The following TEF variants were observed in gnomAD, a reference collection of about 807,000 sequenced individuals.
TEF encodes TEF transcription factor, PAR bZIP family member, also known as thyrotroph embryonic factor.
Under a neutral mutation model 20.8 loss-of-function variants are expected in TEF, and 3 were observed. The ratio of observed to expected loss-of-function variants is 0.14; its 90% CI spans 0.07 to 0.37. The LOEUF (loss-of-function observed/expected upper bound fraction) is 0.37, where lower values mean the gene tolerates loss of function less well. Ranked by LOEUF, TEF falls within the 10% of genes least tolerant of loss-of-function variation. The probability of loss-of-function intolerance (pLI) is 1.00; values close to 1 mark genes in which losing one functional copy is unlikely to be tolerated. For missense variants in TEF, 296 were observed against 397.9 expected, an observed-to-expected ratio of 0.74 and a Z score of 2.18; for synonymous variants, 180 against 171.1, an observed-to-expected ratio of 1.05 and a Z score of -0.41.
At chr22:41,385,693 T>A (rs2037089927) in intron 1 of TEF, among the ~76,000 whole-genome samples, 1 of 151,892 alleles carries the variant, frequency 6.6e-6, no homozygotes, top group Admixed American at 6.6e-5. Context: ...TTTGTTTTTG[T>A]TTTTTTGTGA....
upstream of TEF, among the ~76,000 whole-genome samples, chr22:41,377,856 T>A (rs1321873980): frequency 6.6e-6 from 1 of 152,140 alleles, no homozygotes; most frequent in Non-Finnish European, 1.5e-5. Context: ...CTCACCAGCG[T>A]CACTTGCCTG....
intron 1 of TEF, among the ~76,000 whole-genome samples, chr22:41,375,577 C>T (rs1240285367): frequency 3.3e-5 from 5 of 152,018 alleles, no homozygotes; most frequent in Non-Finnish European, 7.4e-5. Context: ...AGTGAAACCC[C>T]GTCTCTACTA....
intron 1 of TEF, among the ~76,000 whole-genome samples, chr22:41,384,061 T>A (rs776296890): frequency 4.6e-5 from 7 of 152,232 alleles, no homozygotes; most frequent in Non-Finnish European, 8.8e-5. Flanking sequence ...TGTCAAAACC[T>A]CCACCTTCTT....
intron 1 of TEF, among the ~76,000 whole-genome samples, chr22:41,372,251 T>C (rs550483351): frequency 3.9e-5 from 6 of 152,162 alleles, no homozygotes; most frequent in South Asian, 4.2e-4. Context: ...CCCAGAGCCT[T>C]CTTCTCTACC....
chr22:41,385,127 G>T (rs2037082045), intron 1 of TEF, among the ~76,000 whole-genome samples: 1 of 152,128 alleles, frequency 6.6e-6, no homozygotes, highest in Non-Finnish European at 1.5e-5. Context: ...ACTTTGGGAG[G>T]CCAAGGTGGA....
rs191996391 is a variant in TEF at position 41,385,474 on chromosome 22, C to T, written c.158-1877C>T. 1.9e-3 allele frequency among the ~76,000 whole-genome samples: 292 copies of T among 152,272 alleles called. 1 individual carries two copies. Among genetic ancestry groups the T allele is most frequent in the Non-Finnish European group, 3.3e-3 (225 of 68,022 alleles). On this transcript the variant is annotated intron_variant, in intron 1 of 3. Transcript: ENST00000266304. ...AAGTAACATGGCTAAGGTCACACAT[C>T]AAACAGCAAGTGGCAAAAATGGGAC...
intron 3 of TEF, among the ~76,000 whole-genome samples, chr22:41,395,468 C>T (rs2037215903): frequency 6.6e-6 from 1 of 152,154 alleles, no homozygotes; most frequent in Non-Finnish European, 1.5e-5. Context: ...GTGGACAGTG[C>T]AATGCTTTGT....
rs62238187 is a variant in TEF at position 41,383,100 on chromosome 22, T to G, written c.157+899T>G. On this transcript the variant is annotated intron_variant, in intron 1 of 3. Coordinates refer to ENST00000266304, the MANE Select transcript of TEF (RefSeq NM_003216.4). ...ATACTTTGAGTGTGAGACCTTTGCA[T>G]TTCCAAGAGCCATCAGTTATTCAGG... 1,006 of 462,532 alleles carry G rather than the reference T, an allele frequency of 2.2e-3. 3 individuals carry two copies. The highest frequency in any genetic ancestry group is 4.0e-3 in the Non-Finnish European group (893 of 222,290). 28.7% of individuals were successfully genotyped at this position (462,532 alleles called of 1,614,324 possible).
chr22:41,369,017 C>T, intron 1 of TEF: 1 of 966,736 alleles, frequency 1.0e-6, no homozygotes, highest in South Asian at 4.8e-5. Flanking sequence ...AGAGGGTCCC[C>T]TCCTTGGTCC....
upstream of TEF, among the ~76,000 whole-genome samples, chr22:41,381,327 G>A (rs1350592997): frequency 9.2e-6 from 1 of 108,694 alleles, no homozygotes; most frequent in Middle Eastern, 3.4e-3. Context: ...CCACAGCCCC[G>A]CACGTGCGGC....
intron 1 of TEF, among the ~76,000 whole-genome samples, chr22:41,372,503 G>C (rs1317655808): frequency 6.6e-6 from 1 of 152,098 alleles, no homozygotes. Flanking sequence ...TAAGGACATC[G>C]ACGCTCAGAG....
chr22:41,394,441 A>G, intron 3 of TEF, 125 bp downstream of exon 3: 1 of 935,928 alleles, frequency 1.1e-6, no homozygotes, highest in South Asian at 1.7e-5. Context: ...GAAAGACATG[A>G]GTTTAGTGCT....
At chr22:41,374,131 C>T (rs1026472160) in intron 1 of TEF, among the ~76,000 whole-genome samples, 4 of 152,020 alleles carry the variant, frequency 2.6e-5, no homozygotes, top group African/African-American at 2.4e-5. Context: ...CATGGCCGGG[C>T]GCAGTGGCTC....
chr22:41,397,088 C>T lies in TEF; in HGVS notation c.*1128C>T. On this transcript the variant is annotated 3_prime_UTR_variant, in exon 4 of 4. Transcript: ENST00000266304. ...TTCAGGATCTCTCCCATGCGAGCTGCCCGGAGGGTGTCAGCAGGGCAAGAC... is the reference window on the plus strand; with the variant it reads ...TTCAGGATCTCTCCCATGCGAGCTGTCCGGAGGGTGTCAGCAGGGCAAGAC... The T allele has an allele frequency of 2.5e-6, 1 of 398,728 alleles. No individual in the cohort carries two copies. The highest frequency in any genetic ancestry group is 4.4e-6 in the Non-Finnish European group (1 of 226,174). The allele number at this position is 398,728 out of a possible 1,614,324, so 24.7% of individuals were successfully genotyped here.
At chr22:41,371,087 T>G (rs1218574684) in intron 1 of TEF, among the ~76,000 whole-genome samples, 1 of 152,268 alleles carries the variant, frequency 6.6e-6, no homozygotes, top group Non-Finnish European at 1.5e-5. Context: ...AGGATACTTT[T>G]CCAAGAGTTG....
chr22:41,379,317 C>G (rs2036984812), upstream of TEF, among the ~76,000 whole-genome samples: 2 of 151,610 alleles, frequency 1.3e-5, no homozygotes, highest in Non-Finnish European at 2.9e-5. Flanking sequence ...CCAGCCTGGG[C>G]TACAGAGTGA....
upstream of TEF, among the ~76,000 whole-genome samples, chr22:41,381,066 C>A (rs1188300852): frequency 1.3e-5 from 2 of 152,188 alleles, no homozygotes; most frequent in Non-Finnish European, 2.9e-5. Context: ...CAGGTCAGAG[C>A]TTCAGGAATG....
chr22:41,394,564 G>A (rs1198174901), intron 3 of TEF, among the ~76,000 whole-genome samples: 1 of 152,232 alleles, frequency 6.6e-6, no homozygotes, highest in Non-Finnish European at 1.5e-5. Context: ...CTGTGTTGAT[G>A]TTCCTGCCTC....
intron 1 of TEF, among the ~76,000 whole-genome samples, chr22:41,376,595 A>T (rs2036945046): frequency 6.6e-6 from 1 of 152,246 alleles, no homozygotes; most frequent in South Asian, 2.1e-4. Context: ...ATTTACAGCC[A>T]GTCGTCCAGC....
Sources: allele counts gnomAD v4.1 joint callset (sites outside exome capture counted in the v4.1 genomes callset), GRCh38; gene constraint gnomAD v4.1.1; transcripts MANE v1.5; gene names NCBI Gene and HGNC (gene_info 2026-07-23, HGNC 2026-07-21).